The following TAS2R13 variants were observed in gnomAD, a reference collection of about 807,000 sequenced individuals.
TAS2R13 encodes the protein taste 2 receptor member 13.
For synonymous variants in TAS2R13, 129 were observed against 125.5 expected (o/e 1.03, Z -0.19); for missense variants, 384 against 347.5 (o/e 1.11, Z -0.84).
Position 10,909,136 on chromosome 12 carries a change from T to C in TAS2R13, c.163A>G (p.Arg55Gly). ...AATATTTCCCAGATCAGCCCAATTCTGGAGATTGCCAAGATAATGAGGAGT... is the reference window on the plus strand; with the variant it reads ...AATATTTCCCAGATCAGCCCAATTCCGGAGATTGCCAAGATAATGAGGAGT... Reference protein sequence around the residue: ...DKLLIILAISRIGLIWEILVS... With the variant: ...DKLLIILAISGIGLIWEILVS... The change falls in exon 1 of 1, where the codon AGA (arginine) becomes GGA (glycine). Residue 55 changes from arginine (R) to glycine (G), a missense_variant. Transcript: ENST00000390677. 6.2e-7 allele frequency: 1 copy of C among 1,613,936 alleles called. No homozygotes were observed. The highest frequency in any genetic ancestry group is 8.5e-7 in the Non-Finnish European group (1 of 1,179,984).
Position 10,908,143 on chromosome 12 carries a change from T to G in TAS2R13, c.*244A>C. On this transcript the variant is annotated 3_prime_UTR_variant, in exon 1 of 1. Transcript: ENST00000390677. Reference sequence around the variant, plus strand: ...TATATGTTTTTAATTTACAATAGAATCTGCCAATAATTTCCTCAAATAAGT... The same window carrying G: ...TATATGTTTTTAATTTACAATAGAAGCTGCCAATAATTTCCTCAAATAAGT... 2.3e-6 allele frequency: 1 copy of G among 436,844 alleles called. No homozygotes were observed. Among genetic ancestry groups the G allele is most frequent in the East Asian group, 3.5e-5 (1 of 28,748 alleles). 27.1% of individuals were successfully genotyped at this position (436,844 alleles called of 1,614,324 possible). A position where few individuals can be genotyped will look rare whatever the true frequency, so the allele number is the denominator to read the frequency against.
chr12:10,908,588 G>GA, the TAS2R13 span: 1 of 1,613,982 alleles, frequency 6.2e-7, no homozygotes, highest in South Asian at 1.1e-5. Flanking sequence ...AGAATAAAAG[G>GA]AATGAGATCA....
chr12:10,908,438 C>G lies in TAS2R13; in HGVS notation c.861G>C (p.Lys287Asn), dbSNP rs762678458. The change falls in exon 1 of 1, where the codon AAG becomes AAC. Residue 287 changes from lysine to asparagine, a missense_variant. By Grantham distance (94) the Lys-to-Asn change is moderately conservative (BLOSUM62 0). Transcript: ENST00000390677. ...HSFLLILGNA[K>N]LRQAFLLVAA... is the part of the protein sequence containing the mutation. The stretch of plus-strand genomic sequence containing the variant: ...CCACCAAAAGAAAGGCCTGTCTTAA[C>G]TTAGCGTTTCCTAGAATCAGAAGAA... 4 of 1,613,670 alleles carry G rather than the reference C, an allele frequency of 2.5e-6. No homozygotes were observed. The African/African-American group carries it at 5.3e-5, about 22-fold the overall frequency.
Position 10,909,255 on chromosome 12 carries a change from G to A in TAS2R13, c.44C>T (p.Ala15Val), listed in dbSNP as rs1351801103. ...GCTCAAATTCCCAATTATGAATTCTGCAATTATTACAAGAGTGAAGATACT... is the reference window on the plus strand; with the variant it reads ...GCTCAAATTCCCAATTATGAATTCTACAATTATTACAAGAGTGAAGATACT... ...LPSIFTLVIIAEFIIGNLSNG... is the reference protein window; with the variant it reads ...LPSIFTLVIIVEFIIGNLSNG... The change falls in exon 1 of 1, where the codon GCA becomes GTA. Residue 15 changes from alanine (A) to valine (V), a missense_variant. Ala to Val is a moderately conservative substitution (Grantham distance 64). Coordinates refer to ENST00000390677, the MANE Select transcript of TAS2R13 (RefSeq NM_023920.2). 2.5e-6 allele frequency: 4 copies of A among 1,613,610 alleles called. No individual in the cohort carries two copies. Among genetic ancestry groups the A allele is most frequent in the Non-Finnish European group, 1.7e-6 (2 of 1,179,764 alleles).
chr12:10,909,208 T>C lies in TAS2R13; in HGVS notation c.91A>G (p.Asn31Asp). ...CTTTTACTGACCCAGTCAATGCAGTTGATCAGTACTATAAATCCATTGCTC... is the reference window on the plus strand; with the variant it reads ...CTTTTACTGACCCAGTCAATGCAGTCGATCAGTACTATAAATCCATTGCTC... ...NLSNGFIVLI[N>D]CIDWVSKREL... Residue 31 changes from asparagine (N) to aspartate (D), a missense_variant, in exon 1 of 1, where the codon AAC becomes GAC. By Grantham distance (23) the Asn-to-Asp change is conservative. Transcript: ENST00000390677. The C allele has an allele frequency of 6.2e-7, 1 of 1,613,552 alleles. No individual in the cohort carries two copies.
Position 10,909,294 on chromosome 12 carries a change from T to C in TAS2R13, c.5A>G (p.Glu2Gly). 6.2e-7 allele frequency: 1 copy of C among 1,610,184 alleles called. No individual in the cohort carries two copies. Among genetic ancestry groups the C allele is most frequent in the Non-Finnish European group, 8.5e-7 (1 of 1,177,178 alleles). ...AGTGAAGATACTCGGCAGGGCACTT[T>C]CCATGTCAGAACAGAGAAAGTTCAA... The part of the protein sequence containing the change: M[E>G]SALPSIFTLV... Residue 2 changes from glutamate (E) to glycine (G), a missense_variant, in exon 1 of 1, where the codon GAA (glutamate) becomes GGA (glycine). Transcript: ENST00000390677.
chr12:10,909,043 T>G lies in TAS2R13; in HGVS notation c.256A>C (p.Ile86Leu). ...FVSGTGLRIM[I>L]FSWIVSNHFN... Reference sequence around the variant, plus strand: ...TGATTAGAAACTATCCAGCTAAAAATCATAATTCTTAATCCTGTTCCAGAC... The same window carrying G: ...TGATTAGAAACTATCCAGCTAAAAAGCATAATTCTTAATCCTGTTCCAGAC... The change falls in exon 1 of 1, where the codon ATT becomes CTT. Residue 86 changes from isoleucine to leucine, a missense_variant. Ile to Leu is a conservative substitution (Grantham distance 5). Transcript: ENST00000390677. The G allele has an allele frequency of 1.2e-6, 2 of 1,613,656 alleles. No individual in the cohort carries two copies. Among genetic ancestry groups the G allele is most frequent in the Non-Finnish European group, 1.7e-6 (2 of 1,179,952 alleles).
At position 10,909,012 on chromosome 12, in the gene TAS2R13, T is replaced by C. The variant is rs755075203; in HGVS notation, c.287A>G (p.Asn96Ser). ...GCTGAAGATTGTAGCAAGCCAGAGA[T>C]TGAAGTGATTAGAAACTATCCAGCT... ...IFSWIVSNHF[N>S]LWLATIFSIF... is the part of the protein sequence containing the mutation. The change falls in exon 1 of 1, where the codon AAT (asparagine) becomes AGT (serine). Residue 96 changes from asparagine to serine, a missense_variant. Coordinates refer to ENST00000390677, the MANE Select transcript of TAS2R13 (RefSeq NM_023920.2). The C allele has an allele frequency of 6.2e-7, 1 of 1,613,744 alleles. No homozygotes were observed. The highest frequency in any genetic ancestry group is 1.7e-5 in the Admixed American group (1 of 59,952).
chr12:10,909,137 G>GA, the TAS2R13 span: 2 of 1,613,864 alleles, frequency 1.2e-6, no homozygotes. Flanking sequence ...GCCCAATTCT[G>GA]GAGATTGCCA....
At position 10,908,808 on chromosome 12, in the gene TAS2R13, G is replaced by C. The variant is rs376987737; in HGVS notation, c.491C>G (p.Thr164Ser). Residue 164 changes from threonine to serine, a missense_variant, in exon 1 of 1, where the codon ACT becomes AGT. Transcript: ENST00000390677. The part of the protein sequence containing the change: ...DWLDRYERNT[T>S]WNFSMSDFET... ...AAAGTCACTCATACTGAAATTCCAA[G>C]TTGTGTTTCTTTCATATCGGTCCAG... The C allele has an allele frequency of 3.9e-5, 63 of 1,613,778 alleles. No individual in the cohort carries two copies. The highest frequency in any genetic ancestry group is 5.3e-5 in the Non-Finnish European group (62 of 1,179,944).
In TAS2R13 at chr12:10,908,736, A is replaced by G. The variant is rs1179426711; in HGVS notation, c.563T>C (p.Leu188Pro). The change falls in exon 1 of 1, where the codon CTA becomes CCA. Residue 188 changes from leucine (L) to proline (P), a missense_variant. Physicochemically the swap from Leu to Pro is moderately conservative, Grantham distance 98. Transcript: ENST00000390677. ...GATGAAGGCCACAGTAAATGGTGTT[A>G]GACTGAACATAGTCATAGTGAATTT... ...SVKFTMTMFS[L>P]TPFTVAFISF... 3.7e-6 allele frequency: 6 copies of G among 1,613,954 alleles called. No individual in the cohort carries two copies. Among genetic ancestry groups the G allele is most frequent in the Non-Finnish European group, 5.1e-6 (6 of 1,179,900 alleles).
chr12:10,909,439 C>G lies in TAS2R13; in HGVS notation c.-141G>C. 1.6e-6 allele frequency: 1 copy of G among 625,592 alleles called. No individual in the cohort carries two copies. Among genetic ancestry groups the G allele is most frequent in the East Asian group, 2.8e-5 (1 of 36,184 alleles). The allele number at this position is 625,592 out of a possible 1,614,324, so 38.8% of individuals were successfully genotyped here. A position where few individuals can be genotyped will look rare whatever the true frequency, so the allele number is the denominator to read the frequency against. ...CCTTCTTTCATTGTTGGCTCAACGT[C>G]AAAGCAGAAATCTCTAAAGTTTGCT... On this transcript the variant is annotated 5_prime_UTR_variant, in exon 1 of 1. Transcript: ENST00000390677.
the TAS2R13 span, chr12:10,908,592 G>T: frequency 6.2e-7 from 1 of 1,613,996 alleles, no homozygotes. Context: ...TAAAAGGAAT[G>T]AGATCACAAT....
In TAS2R13 at chr12:10,908,494, T is replaced by C; in HGVS notation, c.805A>G (p.Ile269Val). 6.2e-7 allele frequency: 1 copy of C among 1,613,916 alleles called. No individual in the cohort carries two copies. Among genetic ancestry groups the C allele is most frequent in the Non-Finnish European group, 8.5e-7 (1 of 1,179,924 alleles). The change falls in exon 1 of 1, where the codon ATT becomes GTT. Residue 269 changes from isoleucine to valine, a missense_variant. Ile to Val is a conservative substitution (Grantham distance 29, BLOSUM62 3). Coordinates refer to ENST00000390677, the MANE Select transcript of TAS2R13 (RefSeq NM_023920.2). ...NTVIYMLCET[I>V]GVFSPSSHSF... ...TGGCTTGAAGGAGAGAAGACTCCAA[T>C]CGTCTCACAAAGCATGTAGATCACT...
rs142394171 is a variant in TAS2R13, at chr12:10,908,908, G to A, written c.391C>T (p.Leu131=). The change falls in exon 1 of 1, where the codon CTG becomes TTG. Residue 131 remains leucine (L), a synonymous_variant. Transcript: ENST00000390677. ...ACCAAGGTTCCTAGCAGTATCATCA[G>A]AATCACTTTGTTTACTCTCCACTTC... is the stretch of plus-strand genomic sequence containing the variant. ...YLKWRVNKVI[L]MILLGTLVFL... 4.6e-3 allele frequency: 7,401 copies of A among 1,612,860 alleles called. 40 individuals are homozygous for A. The highest frequency in any genetic ancestry group is 0.012 in the Middle Eastern group (70 of 6,060).
In TAS2R13 at chr12:10,908,845, T is replaced by C; in HGVS notation, c.454A>G (p.Ile152Val). The C allele has an allele frequency of 6.2e-7, 1 of 1,613,614 alleles. No individual in the cohort carries two copies. The change falls in exon 1 of 1, where the codon ATA becomes GTA. Residue 152 changes from isoleucine to valine, a missense_variant. Transcript: ENST00000390677. The part of the protein sequence containing the change: ...FLNLIQINMH[I>V]KDWLDRYERN... ...TCATATCGGTCCAGCCAGTCTTTTATATGCATGTTTATTTGTATCAGATTT... is the reference window on the plus strand; with the variant it reads ...TCATATCGGTCCAGCCAGTCTTTTACATGCATGTTTATTTGTATCAGATTT...
Position 10,908,371 on chromosome 12 carries a change from T to G in TAS2R13, c.*16A>C. 1 of 1,599,280 alleles carries G rather than the reference T, an allele frequency of 6.3e-7. No individual in the cohort carries two copies. The highest frequency in any genetic ancestry group is 8.5e-7 in the Non-Finnish European group (1 of 1,174,402). On this transcript the variant is annotated 3_prime_UTR_variant, in exon 1 of 1. Transcript: ENST00000390677. ...AATAATCTGTGGTCTGAATGGCTTATGAAATTGTGAGTTTCTCATCGTTTA... is the reference window on the plus strand; with the variant it reads ...AATAATCTGTGGTCTGAATGGCTTAGGAAATTGTGAGTTTCTCATCGTTTA...
At position 10,908,482 on chromosome 12, in the gene TAS2R13, A is replaced by T; in HGVS notation, c.817T>A (p.Ser273Thr). 6.2e-7 allele frequency: 1 copy of T among 1,613,914 alleles called. No individual in the cohort carries two copies. The highest frequency in any genetic ancestry group is 8.5e-7 in the Non-Finnish European group (1 of 1,179,936). Residue 273 changes from serine to threonine, a missense_variant, in exon 1 of 1, where the codon TCT becomes ACT. Coordinates refer to ENST00000390677, the MANE Select transcript of TAS2R13 (RefSeq NM_023920.2). Reference protein sequence around the residue: ...YMLCETIGVFSPSSHSFLLIL... With the variant: ...YMLCETIGVFTPSSHSFLLIL... ...AGAAGAAAGGAGTGGCTTGAAGGAG[A>T]GAAGACTCCAATCGTCTCACAAAGC...
At position 10,908,410 on chromosome 12, in the gene TAS2R13, C is replaced by A; in HGVS notation, c.889G>T (p.Ala297Ser). The A allele has an allele frequency of 6.2e-7, 1 of 1,612,940 alleles. No individual in the cohort carries two copies. The highest frequency in any genetic ancestry group is 8.5e-7 in the Non-Finnish European group (1 of 1,179,676). Residue 297 changes from alanine (A) to serine (S), a missense_variant, in exon 1 of 1, where the codon GCT becomes TCT. By Grantham distance (99) the Ala-to-Ser change is moderately conservative (BLOSUM62 1). Coordinates refer to ENST00000390677, the MANE Select transcript of TAS2R13 (RefSeq NM_023920.2). ...KLRQAFLLVA[A>S]KVWAKR ...TCTCATCGTTTAGCCCATACCTTAGCTGCCACCAAAAGAAAGGCCTGTCTT... is the reference window on the plus strand; with the variant it reads ...TCTCATCGTTTAGCCCATACCTTAGATGCCACCAAAAGAAAGGCCTGTCTT...
Sources: gnomAD v4.1 joint callset for allele counts on GRCh38, gnomAD v4.1.1 for gene constraint, MANE v1.5 for transcripts, NCBI Gene and HGNC (gene_info 2026-07-23, HGNC 2026-07-21) for gene names.